The following TTC28 variants were observed in gnomAD, a reference collection of about 807,000 sequenced individuals.
TTC28 encodes the protein tetratricopeptide repeat domain 28.
In TTC28, 61 loss-of-function variants were observed where a neutral mutation model predicts 198.0. That is an observed-to-expected ratio of 0.31 (90% CI 0.25 to 0.38). The LOEUF is 0.38. Ranked by LOEUF, TTC28 falls within the 10% of genes least tolerant of loss-of-function variation. TTC28 has a pLI of 1.00. For missense variants in TTC28, 2,678 were observed against 3,164.0 expected (o/e 0.85, Z 3.69); for synonymous variants, 1,171 against 1,297.8 (o/e 0.90, Z 2.10).
At chr22:28,479,435 G>A (rs2048214804) in intron 2 of TTC28, among the ~76,000 whole-genome samples, 1 of 152,110 alleles carries the variant, frequency 6.6e-6, no homozygotes, top group Non-Finnish European at 1.5e-5. Flanking sequence ...ACCAAAAATA[G>A]TAAGTATGTC....
chr22:28,619,886 A>G (rs535824355), intron 2 of TTC28, among the ~76,000 whole-genome samples: 1 of 152,330 alleles, frequency 6.6e-6, no homozygotes, highest in East Asian at 1.9e-4. Context: ...AATTATGGGG[A>G]CCATGCGCAA....
intron 2 of TTC28, among the ~76,000 whole-genome samples, chr22:28,381,064 G>C (rs2146024513): frequency 6.7e-6 from 1 of 149,202 alleles, no homozygotes; most frequent in South Asian, 2.1e-4. Context: ...TGTTAAAAGA[G>C]AAAATGTCAG....
chr22:28,351,285 GCTCATT>G (rs2045992533), intron 2 of TTC28, among the ~76,000 whole-genome samples: 1 of 152,092 alleles, frequency 6.6e-6, no homozygotes, highest in Admixed American at 6.6e-5. Flanking sequence ...AAACAAAAGA[GCTCATT>G]CTCATAACAA....
At chr22:28,059,116 T>G (rs1375148758) in intron 12 of TTC28, among the ~76,000 whole-genome samples, 1 of 151,988 alleles carries the variant, frequency 6.6e-6, no homozygotes, top group East Asian at 1.9e-4. Context: ...TGTTCTTATC[T>G]TTATCATTTT....
chr22:28,267,336 G>A (rs947112324), intron 5 of TTC28, among the ~76,000 whole-genome samples: 1 of 152,164 alleles, frequency 6.6e-6, no homozygotes, highest in Non-Finnish European at 1.5e-5. Context: ...TTTCTCAAGA[G>A]TCTAATCTTG....
At chr22:28,518,181 C>T (rs2048829566) in intron 2 of TTC28, among the ~76,000 whole-genome samples, 1 of 152,026 alleles carries the variant, frequency 6.6e-6, no homozygotes, top group Non-Finnish European at 1.5e-5. Flanking sequence ...TTGGCTTTCT[C>T]TGCACAAAAA....
intron 12 of TTC28, 128 bp downstream of exon 12, chr22:28,093,952 T>C: frequency 1.1e-6 from 1 of 946,166 alleles, no homozygotes; most frequent in Non-Finnish European, 1.5e-6. Context: ...CTGCAGCAGC[T>C]GTGAACAGAC....
At chr22:28,037,167 T>C (rs908718880) in intron 12 of TTC28, among the ~76,000 whole-genome samples, 2 of 152,196 alleles carry the variant, frequency 1.3e-5, no homozygotes, top group East Asian at 1.9e-4. Context: ...ACTCATTTTA[T>C]GAGGCCAGCA....
intron 6 of TTC28, among the ~76,000 whole-genome samples, chr22:28,159,416 G>A (rs1943833558): frequency 1.3e-5 from 2 of 152,184 alleles, no homozygotes; most frequent in African/African-American, 2.4e-5. Flanking sequence ...AGCACTCTGG[G>A]AGGCCGAGGC....
chr22:28,240,421 A>G (rs915160172), intron 5 of TTC28, among the ~76,000 whole-genome samples: 3 of 152,192 alleles, frequency 2.0e-5, no homozygotes, highest in Non-Finnish European at 4.4e-5. Context: ...TTTTAAAAAT[A>G]TAATACAGAA....
intron 5 of TTC28, among the ~76,000 whole-genome samples, chr22:28,165,180 A>G (rs1284688812): frequency 6.6e-6 from 1 of 152,252 alleles, no homozygotes; most frequent in Non-Finnish European, 1.5e-5. Context: ...GGACTATGTG[A>G]AAAGACCAAA....
At chr22:28,669,694 A>G (rs2051847880) in intron 1 of TTC28, among the ~76,000 whole-genome samples, 2 of 152,312 alleles carry the variant, frequency 1.3e-5, no homozygotes, top group Admixed American at 6.5e-5. Flanking sequence ...ATTTAAATGT[A>G]AGTTCAAATA....
At chr22:28,609,362 G>A (rs956827672) in intron 2 of TTC28, among the ~76,000 whole-genome samples, 3 of 152,218 alleles carry the variant, frequency 2.0e-5, no homozygotes, top group Admixed American at 6.5e-5. Context: ...GGTGATTTCT[G>A]CATTTCCAAC....
intron 12 of TTC28, among the ~76,000 whole-genome samples, chr22:28,052,439 C>T (rs1940125072): frequency 6.6e-6 from 1 of 152,154 alleles, no homozygotes; most frequent in African/African-American, 2.4e-5. Context: ...GGAAGCCCAG[C>T]CAGTAACTGG....
chr22:28,139,772 C>T (rs1943285966), intron 6 of TTC28, among the ~76,000 whole-genome samples: 1 of 151,790 alleles, frequency 6.6e-6, no homozygotes, highest in Non-Finnish European at 1.5e-5. Context: ...TCTCCAGCTC[C>T]AAAATTTGTA....
At chr22:28,659,062 G>A (rs1023734851) in intron 1 of TTC28, among the ~76,000 whole-genome samples, 14 of 152,156 alleles carry the variant, frequency 9.2e-5, no homozygotes, top group Non-Finnish European at 1.9e-4. Context: ...AAAACAGCAG[G>A]AAGGTGTCTA....
intron 2 of TTC28, among the ~76,000 whole-genome samples, chr22:28,324,919 G>A (rs1046749569): frequency 7.2e-5 from 11 of 152,034 alleles, no homozygotes; most frequent in African/African-American, 2.7e-4. Flanking sequence ...GAAATAAAGG[G>A]TATTGGTCTA....
At chr22:28,539,246 G>T (rs575144474) in intron 2 of TTC28, among the ~76,000 whole-genome samples, 7 of 152,106 alleles carry the variant, frequency 4.6e-5, no homozygotes, top group African/African-American at 1.7e-4. Flanking sequence ...CTGACAGGCT[G>T]GGGGGTAGAT....
At chr22:28,464,697 C>G (rs970474160) in intron 2 of TTC28, among the ~76,000 whole-genome samples, 2 of 152,188 alleles carry the variant, frequency 1.3e-5, no homozygotes, top group African/African-American at 4.8e-5. Flanking sequence ...AGTATCAGGA[C>G]TTGTATTTTA....
Sources: gnomAD v4.1 joint callset for allele counts (sites outside exome capture counted in the v4.1 genomes callset) on GRCh38, gnomAD v4.1.1 for gene constraint, MANE v1.5 for transcripts, NCBI Gene and HGNC (gene_info 2026-07-23, HGNC 2026-07-21) for gene names.